Variants in EIF2B3 observed in about 807,000 individuals in gnomAD.
EIF2B3 encodes translation initiation factor eIF2B subunit gamma.
EIF2B3 carries 20 observed loss-of-function variants against 54.1 expected under a neutral mutation model. The ratio of observed to expected loss-of-function variants is 0.37; its 90% CI spans 0.26 to 0.54. The LOEUF is 0.54. Among genes scored for constraint, EIF2B3 ranks in the 20% least tolerant of loss-of-function variants. EIF2B3 has a pLI of 0.86. For synonymous variants in EIF2B3, 153 were observed against 188.1 expected (o/e 0.81, Z 1.52); for missense variants, 448 against 547.8 (o/e 0.82, Z 1.82).
At chr1:44,880,561 A>G (rs1655358050) in intron 7 of EIF2B3, among the ~76,000 whole-genome samples, 1 of 152,132 alleles carries the variant, frequency 6.6e-6, no homozygotes, top group Non-Finnish European at 1.5e-5. Context: ...CAGAACTTGG[A>G]GCCCAGAGTA....
chr1:44,978,631 T>TC (rs2148964511), intron 2 of EIF2B3, among the ~76,000 whole-genome samples, 171 bp from the exon 3 acceptor site: 1 of 48,228 alleles, frequency 2.1e-5, no homozygotes, highest in East Asian at 7.4e-4. Context: ...CTTTTTTTTT[T>TC]TTTTTTTTTT....
intron 3 of EIF2B3, among the ~76,000 whole-genome samples, chr1:44,966,263 C>A (rs1199877021): frequency 6.7e-6 from 1 of 148,266 alleles, no homozygotes; most frequent in Non-Finnish European, 1.5e-5. Flanking sequence ...CATGGTGAAA[C>A]CCTGTCTCTA....
intron 5 of EIF2B3, among the ~76,000 whole-genome samples, chr1:44,911,910 T>C (rs1224994964): frequency 7.1e-6 from 1 of 140,910 alleles, no homozygotes; most frequent in South Asian, 2.5e-4. Flanking sequence ...CCTGTGTCCA[T>C]GTGTTCTCAT....
chr1:44,966,135 C>A (rs1265659005), intron 3 of EIF2B3, among the ~76,000 whole-genome samples: 1 of 151,928 alleles, frequency 6.6e-6, no homozygotes, highest in Non-Finnish European at 1.5e-5. Flanking sequence ...AACTAACAAA[C>A]CAACACTGTC....
chr1:44,855,990 G>A (rs1429436112), intron 11 of EIF2B3, among the ~76,000 whole-genome samples: 1 of 152,118 alleles, frequency 6.6e-6, no homozygotes, highest in African/African-American at 2.4e-5. Flanking sequence ...GGGGAGTCAT[G>A]GGAAGAGGCA....
At chr1:44,944,517 GCA>G in intron 3 of EIF2B3, among the ~76,000 whole-genome samples, 2 of 150,836 alleles carry the variant, frequency 1.3e-5, no homozygotes, top group Non-Finnish European at 2.9e-5. Context: ...AAAAGGCCTG[GCA>G]CAGTGTCTTG....
chr1:44,939,046 G>A (rs765667514), intron 4 of EIF2B3, among the ~76,000 whole-genome samples: 9 of 139,636 alleles, frequency 6.4e-5, no homozygotes, highest in Admixed American at 7.9e-5. Flanking sequence ...GGTTTGCAGC[G>A]AGCCAAGATT....
intron 4 of EIF2B3, among the ~76,000 whole-genome samples, chr1:44,937,623 C>A (rs1321287843): frequency 5.3e-5 from 8 of 151,680 alleles, no homozygotes; most frequent in Admixed American, 5.3e-4. Context: ...GTGGCTCACG[C>A]CTGTAATCCC....
At chr1:44,879,064 T>C (rs1471881189) in intron 8 of EIF2B3, among the ~76,000 whole-genome samples, 1 of 152,108 alleles carries the variant, frequency 6.6e-6, no homozygotes, top group Non-Finnish European at 1.5e-5. Context: ...CCCGGACTCT[T>C]TTCTTATTCT....
At chr1:44,980,263 G>C (rs867760931) in intron 2 of EIF2B3, among the ~76,000 whole-genome samples, 34 of 152,230 alleles carry the variant, frequency 2.2e-4, no homozygotes, top group Admixed American at 4.6e-4. Context: ...CTGAGATCGA[G>C]ACCATTCTAG....
intron 5 of EIF2B3, among the ~76,000 whole-genome samples, chr1:44,917,842 C>T (rs1342740752): frequency 1.6e-5 from 2 of 128,936 alleles, no homozygotes; most frequent in African/African-American, 2.8e-5. Context: ...GGTGCGATCT[C>T]GGCTCACTGC....
intron 5 of EIF2B3, among the ~76,000 whole-genome samples, chr1:44,909,022 TAGG>T (rs888394038): frequency 2.0e-5 from 3 of 152,162 alleles, no homozygotes; most frequent in African/African-American, 7.2e-5. Flanking sequence ...TCAGCTAAGA[TAGG>T]AGCCATGAAT....
In EIF2B3 at chr1:44,907,600, T is replaced by G. The variant is rs964356418; in HGVS notation, c.567-10156A>C. Among the ~76,000 whole-genome samples, 14 of 148,360 alleles carry G rather than the reference T, an allele frequency of 9.4e-5. No individual in the cohort carries two copies. The South Asian group carries it at 2.8e-3, about 30-fold the overall frequency. ...CTTTGGTAGTTGGGACTACAGTAGA[T>G]TGTTTTAAAAATGGTCACAGCCGGG... On this transcript the variant is annotated intron_variant, in intron 5 of 11. Coordinates refer to ENST00000360403, the MANE Select transcript of EIF2B3 (RefSeq NM_020365.5).
At chr1:44,905,218 T>C (rs1054713519) in intron 5 of EIF2B3, among the ~76,000 whole-genome samples, 1 of 152,222 alleles carries the variant, frequency 6.6e-6, no homozygotes, top group Non-Finnish European at 1.5e-5. Flanking sequence ...ACCATAGCCC[T>C]GAGGTGCTCA....
intron 5 of EIF2B3, 56 bp from the exon 6 acceptor site, chr1:44,897,500 T>C (rs1656012951): frequency 1.5e-6 from 2 of 1,353,332 alleles, no homozygotes; most frequent in Admixed American, 3.9e-5. Flanking sequence ...TCAGGTAACA[T>C]GGTCTCCATT....
chr1:44,978,501 A>T (rs1294345862), intron 2 of EIF2B3, 41 bp from the exon 3 acceptor site: 5 of 1,594,474 alleles, frequency 3.1e-6, no homozygotes, highest in Non-Finnish European at 4.3e-6. Flanking sequence ...ACAAAAACTT[A>T]CTCATATAGA....
chr1:44,896,041 G>T (rs530040320), intron 6 of EIF2B3, among the ~76,000 whole-genome samples: 4 of 152,208 alleles, frequency 2.6e-5, no homozygotes, highest in African/African-American at 9.6e-5. Context: ...CTAAATCTTG[G>T]CAACAAGTTA....
At chr1:44,956,721 A>G (rs1329222878) in intron 3 of EIF2B3, among the ~76,000 whole-genome samples, 2 of 152,206 alleles carry the variant, frequency 1.3e-5, no homozygotes, top group African/African-American at 4.8e-5. Context: ...GGCAAAATGA[A>G]TATTTTAATA....
chr1:44,854,160 A>T (rs1557656628), intron 11 of EIF2B3, among the ~76,000 whole-genome samples: 1 of 151,886 alleles, frequency 6.6e-6, no homozygotes, highest in East Asian at 1.9e-4. Context: ...GTGCCATCAC[A>T]CACAGCTAAT....
Sources: gnomAD v4.1 joint callset for allele counts (sites outside exome capture counted in the v4.1 genomes callset) on GRCh38, gnomAD v4.1.1 for gene constraint, MANE v1.5 for transcripts, NCBI Gene and HGNC (gene_info 2026-07-23, HGNC 2026-07-21) for gene names.